CDC42BPA: variants seen among roughly 807,000 people sequenced by gnomAD.
The protein encoded by CDC42BPA is serine/threonine-protein kinase MRCK alpha.
Under a neutral mutation model 223.5 loss-of-function variants are expected in CDC42BPA, and 80 were observed. The ratio of observed to expected loss-of-function variants is 0.36; its 90% confidence interval spans 0.30 to 0.43. The LOEUF is 0.43. Ranked by LOEUF, CDC42BPA falls within the 20% of genes least tolerant of loss-of-function variation. CDC42BPA has a pLI of 1.00. For missense variants in CDC42BPA, 1,743 were observed against 2,099.9 expected, an observed-to-expected ratio of 0.83 and a Z score of 3.32; for synonymous variants, 694 against 718.6, an observed-to-expected ratio of 0.97 and a Z score of 0.55.
intron 1 of CDC42BPA, among the ~76,000 whole-genome samples, chr1:227,286,173 C>T (rs1688769856): frequency 6.6e-6 from 1 of 152,222 alleles, no homozygotes; most frequent in African/African-American, 2.4e-5. Flanking sequence ...CTGCACCAGA[C>T]TGAGATTTTT....
intron 4 of CDC42BPA, among the ~76,000 whole-genome samples, chr1:227,198,824 T>C (rs1191492253): frequency 1.3e-5 from 2 of 151,960 alleles, no homozygotes; most frequent in South Asian, 2.1e-4. Flanking sequence ...GCATTATCAC[T>C]GCAAGCTCTG....
chr1:227,284,787 C>G (rs888587714), intron 1 of CDC42BPA, among the ~76,000 whole-genome samples: 6 of 151,906 alleles, frequency 3.9e-5, no homozygotes, highest in African/African-American at 1.5e-4. Flanking sequence ...ATGGCAAAAC[C>G]CTGTCTCTAC....
intron 1 of CDC42BPA, among the ~76,000 whole-genome samples, chr1:227,290,490 C>T (rs1184679179): frequency 1.3e-5 from 2 of 151,680 alleles, no homozygotes; most frequent in African/African-American, 4.8e-5. Context: ...CTTAATGACA[C>T]CTTCTGCAGA....
intron 5 of CDC42BPA, among the ~76,000 whole-genome samples, chr1:227,173,139 C>G (rs1666375118): frequency 6.6e-6 from 1 of 152,168 alleles, no homozygotes; most frequent in African/African-American, 2.4e-5. Flanking sequence ...TATATAATGG[C>G]TTTATAGGAT....
intron 20 of CDC42BPA, among the ~76,000 whole-genome samples, chr1:227,070,766 T>C (rs1387398069): frequency 6.6e-6 from 1 of 151,892 alleles, no homozygotes; most frequent in African/African-American, 2.4e-5. Flanking sequence ...TACATTATGT[T>C]ATACAATAAA....
chr1:227,219,776 C>T (rs191259035), intron 2 of CDC42BPA, among the ~76,000 whole-genome samples: 247 of 152,190 alleles, frequency 1.6e-3, no homozygotes, highest in Non-Finnish European at 2.8e-3. Context: ...AGTTCATAAA[C>T]ACTACAGGGT....
At chr1:227,021,954 A>T (rs567021074) in intron 32 of CDC42BPA, among the ~76,000 whole-genome samples, 2 of 152,090 alleles carry the variant, frequency 1.3e-5, no homozygotes, top group African/African-American at 4.8e-5. Context: ...CAGGAGGCAG[A>T]GGTTGCAGTG....
chr1:227,285,528 A>G (rs1688669559), intron 1 of CDC42BPA, among the ~76,000 whole-genome samples: 1 of 152,358 alleles, frequency 6.6e-6, no homozygotes, highest in Non-Finnish European at 1.5e-5. Flanking sequence ...TTACTAGGCC[A>G]AAACCAAGCC....
intron 2 of CDC42BPA, among the ~76,000 whole-genome samples, chr1:227,233,549 A>G (rs933956164): frequency 6.6e-6 from 1 of 152,160 alleles, no homozygotes; most frequent in African/African-American, 2.4e-5. Context: ...ACATATACCT[A>G]TCAAAGTTAT....
chr1:227,271,446 A>G (rs1377562019), intron 1 of CDC42BPA, among the ~76,000 whole-genome samples: 3 of 152,146 alleles, frequency 2.0e-5, no homozygotes, highest in South Asian at 2.1e-4. Flanking sequence ...TAAATTCACT[A>G]AAGTAGCTAT....
At chr1:227,269,642 A>G (rs1441728546) in intron 1 of CDC42BPA, among the ~76,000 whole-genome samples, 2 of 152,172 alleles carry the variant, frequency 1.3e-5, no homozygotes, top group Non-Finnish European at 2.9e-5. Context: ...AAATTAACAC[A>G]TAGAACATAC....
chr1:227,185,488 G>T (rs536242974), intron 5 of CDC42BPA, among the ~76,000 whole-genome samples: 6 of 152,104 alleles, frequency 3.9e-5, no homozygotes, highest in Non-Finnish European at 7.4e-5. Flanking sequence ...AAAAAGAGAG[G>T]GTGGGAGGGC....
At chr1:227,273,995 C>CAAAAAAAAAAAAA (rs10599884) in intron 1 of CDC42BPA, among the ~76,000 whole-genome samples, 6 of 57,004 alleles carry the variant, frequency 1.1e-4, no homozygotes, top group Non-Finnish European at 1.3e-4. Context: ...TCGTATACAC[C>CAAAAAAAAAAAAA]AAAAAAAAAA....
At chr1:227,311,459 T>G (rs1350747415) in intron 1 of CDC42BPA, among the ~76,000 whole-genome samples, 1 of 152,054 alleles carries the variant, frequency 6.6e-6, no homozygotes, top group Non-Finnish European at 1.5e-5. Context: ...AACTAGCAAA[T>G]CCTCACCTAC....
chr1:227,263,089 C>T (rs955428819), intron 1 of CDC42BPA, among the ~76,000 whole-genome samples: 8 of 152,022 alleles, frequency 5.3e-5, no homozygotes, highest in Non-Finnish European at 1.2e-4. Context: ...AAAAATTAGC[C>T]AGGCATGGTG....
At chr1:227,149,268 CG>C (rs1454837128) in intron 6 of CDC42BPA, among the ~76,000 whole-genome samples, 3 of 152,102 alleles carry the variant, frequency 2.0e-5, no homozygotes, top group Non-Finnish European at 4.4e-5. Context: ...AAATGCACAC[CG>C]CTTCTGTGGT....
intron 1 of CDC42BPA, among the ~76,000 whole-genome samples, chr1:227,293,991 G>A (rs1690158515): frequency 1.3e-5 from 2 of 152,046 alleles, no homozygotes; most frequent in African/African-American, 4.8e-5. Flanking sequence ...AAAATTTTAG[G>A]CCAGGCACGG....
rs766773003 is a variant in CDC42BPA at position 227,047,963 on chromosome 1, T to C, written c.3057A>G (p.Lys1019=). The C allele has an allele frequency of 3.7e-6, 6 of 1,611,900 alleles. No individual in the cohort carries two copies. In the Admixed American group the frequency reaches 8.3e-5, roughly 22 times the overall value. Residue 1019 remains lysine, a synonymous_variant, in exon 23 of 37, where the codon AAA becomes AAG. Coordinates refer to ENST00000366766, the MANE Select transcript of CDC42BPA (RefSeq NM_001394014.1). ...PLSVHTPTLR[K]KGCPGSTGFP... is the part of the protein sequence containing the mutation. Reference sequence around the variant, plus strand: ...AGCCAGTTGAACCAGGACATCCTTTTTTCCTTAAGGTTGGTGTGTGAACTG... The same window carrying C: ...AGCCAGTTGAACCAGGACATCCTTTCTTCCTTAAGGTTGGTGTGTGAACTG...
At chr1:227,204,557 A>G (rs1292375015) in intron 3 of CDC42BPA, among the ~76,000 whole-genome samples, 1 of 152,178 alleles carries the variant, frequency 6.6e-6, no homozygotes, top group Non-Finnish European at 1.5e-5. Context: ...TAAAATGATA[A>G]TCCCTTCATG....
Sources: gnomAD v4.1 joint callset for allele counts (sites outside exome capture counted in the v4.1 genomes callset) on GRCh38, gnomAD v4.1.1 for gene constraint, MANE v1.5 for transcripts, NCBI Gene and HGNC (gene_info 2026-07-23, HGNC 2026-07-21) for gene names.